Variants in SP140 observed in about 807,000 individuals in gnomAD.
SP140 encodes the protein SP140 nuclear body protein.
A neutral mutation model predicts 125.0 loss-of-function variants in SP140; 81 were observed. The observed-to-expected ratio is 0.65, with a 90% CI of 0.54 to 0.78. SP140 has a LOEUF of 0.78. Among genes scored for constraint, SP140 ranks in the 30% least tolerant of loss-of-function variants. The pLI is 0.00. For synonymous variants in SP140, 312 were observed against 354.0 expected (o/e 0.88, Z 1.33); for missense variants, 858 against 1,037.0 (o/e 0.83, Z 2.37).
At chr2:230,203,395 G>C (rs2043384948) in intron 1 of SP140, 1 of 156,152 alleles carries the variant, frequency 6.4e-6, no homozygotes, top group African/African-American at 2.4e-5. Flanking sequence ...CTGCAGGTTA[G>C]AAAGGACACA....
intron 5 of SP140, 83 bp from the exon 6 acceptor site, chr2:230,244,894 TGCAAGGAGAAG>T: frequency 1.2e-6 from 1 of 841,242 alleles, no homozygotes; most frequent in Admixed American, 2.3e-5. Flanking sequence ...AGTGTTTTTT[TGCAAGGAGAAG>T]CTCACTTGAG....
Position 230,237,074 on chromosome 2 carries a change from G to T in SP140, c.60-9G>T. On this transcript the variant is annotated splice_polypyrimidine_tract_variant and intron_variant, in intron 1 of 26. Transcript: ENST00000392045. The surrounding 1 kb of genome is among the most constrained non-coding windows in gnomAD (Gnocchi z 5.4). The stretch of plus-strand genomic sequence containing the variant: ...GTGTCTACTTCCACGTTGTATCTTT[G>T]TTTCTTAGGATGGTCGCAGAGATCC... The T allele has an allele frequency of 6.4e-7, 1 of 1,559,314 alleles. No individual in the cohort carries two copies. Among genetic ancestry groups the T allele is most frequent in the Non-Finnish European group, 8.7e-7 (1 of 1,155,614 alleles).
chr2:230,208,148 C>T (rs2044082486), intron 1 of SP140: 1 of 782,452 alleles, frequency 1.3e-6, no homozygotes. Flanking sequence ...TTTTGGTCTT[C>T]AAACCACATT....
At chr2:230,289,326 A>G (rs995872555) in intron 18 of SP140, among the ~76,000 whole-genome samples, 3 of 152,010 alleles carry the variant, frequency 2.0e-5, no homozygotes, top group Non-Finnish European at 4.4e-5. Flanking sequence ...TTTTTCTTGT[A>G]AATTTGTTTT....
intron 1 of SP140, chr2:230,212,402 C>T: frequency 1.2e-6 from 2 of 1,612,682 alleles, no homozygotes; most frequent in Non-Finnish European, 1.7e-6. Flanking sequence ...CTTCCGCATT[C>T]ATTTTGGATG....
At chr2:230,266,354 C>T (rs1006095446) in intron 12 of SP140, among the ~76,000 whole-genome samples, 1 of 152,124 alleles carries the variant, frequency 6.6e-6, no homozygotes, top group Non-Finnish European at 1.5e-5. Context: ...ATGTCTAGAT[C>T]TATAGAGTAT....
rs577099079 is a variant in SP140 at position 230,216,709 on chromosome 2, T to C, written c.-91+2635T>C. On this transcript the variant is annotated intron_variant, in intron 3 of 4. Coordinates refer to the SP140 transcript ENST00000456542. Reference sequence around the variant, plus strand: ...AAACTCTGGAAGCCCTGGTGGTTTGTGGTTTGAGACTTTAATAATCAGGCA... The same window carrying C: ...AAACTCTGGAAGCCCTGGTGGTTTGCGGTTTGAGACTTTAATAATCAGGCA... 9 of 1,578,318 alleles carry C rather than the reference T, an allele frequency of 5.7e-6. No individual in the cohort carries two copies. In the Admixed American group the frequency reaches 1.5e-4, roughly 26 times the overall value.
intron 10 of SP140, 79 bp downstream of exon 10, chr2:230,251,140 C>A: frequency 8.3e-7 from 1 of 1,200,740 alleles, no homozygotes; most frequent in Non-Finnish European, 1.2e-6. Flanking sequence ...TCCTGATTGT[C>A]TTTCCTCCAA....
chr2:230,207,342 C>T (rs62193103), intron 1 of SP140, among the ~76,000 whole-genome samples: 25,488 of 152,082 alleles, frequency 0.17, 2,548 homozygotes, highest in Middle Eastern at 0.24. Flanking sequence ...GGCTGATAAG[C>T]TGGTTGTGAA....
intron 21 of SP140, among the ~76,000 whole-genome samples, chr2:230,296,524 A>G (rs1200159019): frequency 6.6e-6 from 1 of 152,262 alleles, no homozygotes; most frequent in Admixed American, 6.5e-5. Flanking sequence ...TCAACCTGGC[A>G]TCTTCTTGTG....
intron 12 of SP140, among the ~76,000 whole-genome samples, chr2:230,266,765 C>T (rs1435047763): frequency 2.0e-5 from 3 of 152,168 alleles, no homozygotes; most frequent in African/African-American, 7.2e-5. Flanking sequence ...GGAAGCCAAT[C>T]ATATTCCTTA....
intron 1 of SP140, among the ~76,000 whole-genome samples, chr2:230,235,882 T>G (rs947510389): frequency 1.4e-5 from 2 of 142,736 alleles, no homozygotes; most frequent in Non-Finnish European, 3.1e-5. Context: ...TTTTTTTTTT[T>G]TTTTTTTTTT....
chr2:230,285,219 T>A (rs1258787933), intron 16 of SP140, among the ~76,000 whole-genome samples: 7 of 152,218 alleles, frequency 4.6e-5, no homozygotes, highest in Admixed American at 2.0e-4. Context: ...TTTCAAAATT[T>A]ATTTTAGCCA....
In SP140 at chr2:230,238,246, G is replaced by A. The variant is rs758298198; in HGVS notation, c.271G>A (p.Val91Met). 1 of 1,601,830 alleles carries A rather than the reference G, an allele frequency of 6.2e-7. No individual in the cohort carries two copies. Among genetic ancestry groups the A allele is most frequent in the South Asian group, 1.1e-5 (1 of 88,778 alleles). Reference protein sequence around the residue: ...FQEAFRNLVPVTRVMYCVLSE... With the variant: ...FQEAFRNLVPMTRVMYCVLSE... The stretch of plus-strand genomic sequence containing the variant: ...AGAAGCTTTTAGAAACCTGGTCCCA[G>A]TGACAAGAGTGATGTATTGTGTACT... The change falls in exon 3 of 27, where the codon GTG (valine) becomes ATG (methionine). Residue 91 changes from valine to methionine, a missense_variant. Val to Met is a conservative substitution (Grantham distance 21, BLOSUM62 1). Transcript: ENST00000392045.
chr2:230,253,914 C>T (rs888016670), intron 11 of SP140, among the ~76,000 whole-genome samples: 8 of 152,074 alleles, frequency 5.3e-5, no homozygotes, highest in African/African-American at 1.7e-4. Flanking sequence ...CCTGCGTAAA[C>T]GGAAGAACTT....
chr2:230,221,742 G>T (rs947951960), upstream of SP140: 21 of 1,535,568 alleles, frequency 1.4e-5, no homozygotes, highest in Non-Finnish European at 1.7e-5. Context: ...GCCCCTTCAT[G>T]GGCATCTGAG....
chr2:230,306,656 G>A (rs1039902112), intron 22 of SP140, among the ~76,000 whole-genome samples: 10 of 152,258 alleles, frequency 6.6e-5, no homozygotes, highest in African/African-American at 2.4e-4. Context: ...TGCAGTTGCA[G>A]CCCTGTTGGG....
upstream of SP140, among the ~76,000 whole-genome samples, chr2:230,202,321 G>T (rs1010914782): frequency 6.6e-6 from 1 of 152,070 alleles, no homozygotes. Flanking sequence ...GAGCATAAAG[G>T]AGTCCTGAGA....
At chr2:230,270,010 C>T (rs1017050776) in intron 14 of SP140, 57 bp downstream of exon 14, 2 of 1,134,100 alleles carry the variant, frequency 1.8e-6, no homozygotes, top group Non-Finnish European at 2.7e-6. Flanking sequence ...CACAGACCCC[C>T]AGTAGGGTGG....
Sources: gnomAD v4.1 joint callset for allele counts (sites outside exome capture counted in the v4.1 genomes callset) on GRCh38, gnomAD v4.1.1 for gene constraint, Gnocchi (gnomAD v3.1) non-coding constraint, MANE v1.5 for transcripts, NCBI Gene and HGNC (gene_info 2026-07-23, HGNC 2026-07-21) for gene names.